TGFB3: variants seen among roughly 807,000 people sequenced by gnomAD.
TGFB3 encodes the protein transforming growth factor beta 3.
Under a neutral mutation model 40.1 loss-of-function variants are expected in TGFB3, and 5 were observed. The ratio of observed to expected loss-of-function variants is 0.12; its 90% CI spans 0.07 to 0.26. The LOEUF is 0.26. Among genes scored for constraint, TGFB3 ranks in the 10% least tolerant of loss-of-function variants. TGFB3 has a pLI of 1.00. For missense variants in TGFB3, 373 were observed against 530.1 expected (o/e 0.70, Z 2.91); for synonymous variants, 184 against 205.6 (o/e 0.89, Z 0.90).
At chr14:75,974,091 G>A (rs929891381) in intron 1 of TGFB3, among the ~76,000 whole-genome samples, 2 of 152,050 alleles carry the variant, frequency 1.3e-5, no homozygotes, top group Non-Finnish European at 2.9e-5. Context: ...AATGAGCTGA[G>A]GTGGTGCCAT....
rs1276359681 is a variant in TGFB3, at chr14:75,980,769, G to C, written c.125C>G (p.Ala42Gly). The change falls in exon 1 of 7, where the codon GCC (alanine) becomes GGC (glycine). Residue 42 changes from alanine (A) to glycine (G), a missense_variant. Transcript: ENST00000238682. The surrounding 1 kb of genome is among the most constrained non-coding windows in gnomAD (Gnocchi z 4.3). ...CTTGCTCAAGATCTGTCCCCTAATG[G>C]CTTCCACCCTCTTCTTCTTGATGTG... ...FGHIKKKRVE[A>G]IRGQILSKLR... The C allele has an allele frequency of 6.2e-7, 1 of 1,614,158 alleles. No homozygotes were observed.
At position 75,980,129 on chromosome 14, in the gene TGFB3, G is replaced by A. The variant is rs1470822135; in HGVS notation, c.352+413C>T. Among the ~76,000 whole-genome samples the A allele has an allele frequency of 6.6e-6, 1 of 152,164 alleles. No individual in the cohort carries two copies. The highest frequency in any genetic ancestry group is 1.9e-4 in the East Asian group (1 of 5,196). ...TTGTGAAAAGCAGGGAGAAGATGAG[G>A]TCTCCACACTGAGAACCGTAAGGGC... On this transcript the variant is annotated intron_variant, in intron 1 of 6. Coordinates refer to ENST00000238682, the MANE Select transcript of TGFB3 (RefSeq NM_003239.5). This position sits in a 1 kb window ranked among gnomAD's most constrained non-coding sequence, Gnocchi z 4.3.
rs1043026401 is a variant in TGFB3, at chr14:75,980,997, T to C, written c.-104A>G. 3.9e-6 allele frequency: 4 copies of C among 1,015,500 alleles called. No individual in the cohort carries two copies. In the African/African-American group the frequency reaches 6.3e-5, roughly 16 times the overall value. The allele number at this position is 1,015,500 out of a possible 1,614,324, so 62.9% of individuals were successfully genotyped here. Reference sequence around the variant, plus strand: ...AGGAAAACCAGGCGGCCTCCCCAGATCCCAAAGACTGAGGCTTGGCAAGAA... The same window carrying C: ...AGGAAAACCAGGCGGCCTCCCCAGACCCCAAAGACTGAGGCTTGGCAAGAA... On this transcript the variant is annotated 5_prime_UTR_variant, in exon 1 of 7. Transcript: ENST00000238682. This position sits in a 1 kb window ranked among gnomAD's most constrained non-coding sequence, Gnocchi z 4.3.
upstream of TGFB3, among the ~76,000 whole-genome samples, chr14:75,982,084 C>A (rs1316019866): frequency 1.3e-5 from 2 of 152,204 alleles, no homozygotes; most frequent in Non-Finnish European, 2.9e-5. This position sits in a 1 kb window ranked among gnomAD's most constrained non-coding sequence, Gnocchi z 4.0. Context: ...GCGCACGCAG[C>A]CTCTTTTGCT....
At chr14:75,963,514 C>G (rs2035185040) in intron 4 of TGFB3, 27 bp from the exon 5 acceptor site, 1 of 1,613,782 alleles carries the variant, frequency 6.2e-7, no homozygotes, top group African/African-American at 1.3e-5. Context: ...AAGTGACAAT[C>G]TCCTGTCTGA....
At chr14:75,965,437 A>C (rs1053142049) in intron 4 of TGFB3, 151 bp downstream of exon 4, 1 of 702,966 alleles carries the variant, frequency 1.4e-6, no homozygotes, top group Non-Finnish European at 2.6e-6. Flanking sequence ...TTTTGGGGCA[A>C]AGCAGAATTA....
chr14:75,979,703 C>CA lies in TGFB3; in HGVS notation c.352+838_352+839insT, dbSNP rs556897769. Reference sequence around the variant, plus strand: ...GGCAGGCTCCCAGACATATCCCCCCCCCCCACCATGCACCCACTGCCACCC... The same window carrying CA: ...GGCAGGCTCCCAGACATATCCCCCCCACCCCACCATGCACCCACTGCCACCC... On this transcript the variant is annotated intron_variant, in intron 1 of 6. Coordinates refer to ENST00000238682, the MANE Select transcript of TGFB3 (RefSeq NM_003239.5). The surrounding 1 kb of genome is among the most constrained non-coding windows in gnomAD (Gnocchi z 4.8). 6.6e-6 allele frequency among the ~76,000 whole-genome samples: 1 copy of CA among 150,572 alleles called. No individual in the cohort carries two copies. Among genetic ancestry groups the CA allele is most frequent in the Non-Finnish European group, 1.5e-5 (1 of 67,328 alleles).
chr14:75,965,358 A>C (rs1370600353), intron 4 of TGFB3, among the ~76,000 whole-genome samples: 1 of 152,206 alleles, frequency 6.6e-6, no homozygotes, highest in Non-Finnish European at 1.5e-5. Context: ...TTCACCACTT[A>C]CCAGTACGTG....
At chr14:75,959,561 G>A (rs1407214718) in intron 6 of TGFB3, among the ~76,000 whole-genome samples, 1 of 152,146 alleles carries the variant, frequency 6.6e-6, no homozygotes, top group Non-Finnish European at 1.5e-5. Flanking sequence ...TTCAGGTCAG[G>A]AGTTTGAGAC....
At position 75,958,902 on chromosome 14, in the gene TGFB3, CT is replaced by C. The variant is rs2035118683; in HGVS notation, c.*284del. The C allele has an allele frequency of 2.3e-6, 1 of 425,946 alleles. No homozygotes were observed. Among genetic ancestry groups the C allele is most frequent in the African/African-American group, 2.0e-5 (1 of 49,236 alleles). The allele number at this position is 425,946 out of a possible 1,614,324, so 26.4% of individuals were successfully genotyped here. A position where few individuals can be genotyped will look rare whatever the true frequency, so the allele number is the denominator to read the frequency against. On this transcript the variant is annotated 3_prime_UTR_variant, in exon 7 of 7. Coordinates refer to ENST00000238682, the MANE Select transcript of TGFB3 (RefSeq NM_003239.5). ...CACACAACATCTCAACTTACCATCC[CT>C]TTCCTCTATCCCCATCCCCTCTGTC...
In TGFB3 at chr14:75,965,543, T is replaced by A. The variant is rs200111860; in HGVS notation, c.754+45A>T. On this transcript the variant is annotated intron_variant, in intron 4 of 6. Coordinates refer to ENST00000238682, the MANE Select transcript of TGFB3 (RefSeq NM_003239.5). ...TCCTGCACTATCCTGTCCCATTAAC[T>A]TCCCCCCCACTCACCCATCCTACCA... 5.3e-5 allele frequency: 80 copies of A among 1,522,032 alleles called. No homozygotes were observed. In the East Asian group the frequency reaches 1.7e-3, roughly 32 times the overall value. The allele number at this position is 1,522,032 out of a possible 1,614,324, so 94.3% of individuals were successfully genotyped here.
Position 75,972,607 on chromosome 14 carries a change from A to AT in TGFB3, c.353-890dup, listed in dbSNP as rs1594788471. On this transcript the variant is annotated intron_variant, in intron 1 of 6. Coordinates refer to ENST00000238682, the MANE Select transcript of TGFB3 (RefSeq NM_003239.5). The stretch of plus-strand genomic sequence containing the variant: ...GGATTTGAGGATGGGGAGGAAAGAA[A>AT]TGTTACATGGAGTGACTGCTGGAAG... 5.3e-5 allele frequency among the ~76,000 whole-genome samples: 8 copies of AT among 152,264 alleles called. No homozygotes were observed. In the East Asian group the frequency reaches 1.5e-3, roughly 29 times the overall value.
intron 3 of TGFB3, 126 bp from the exon 4 acceptor site, chr14:75,965,821 G>T (rs1205427106): frequency 3.7e-6 from 3 of 813,158 alleles, no homozygotes; most frequent in Non-Finnish European, 6.4e-6. Context: ...GAGTTCTATT[G>T]AGGGTCACAG....
intron 3 of TGFB3, 130 bp from the exon 4 acceptor site, chr14:75,965,825 G>A (rs1595340669): frequency 1.3e-6 from 1 of 794,278 alleles, no homozygotes; most frequent in Non-Finnish European, 2.2e-6. Context: ...TCTATTGAGG[G>A]TCACAGGAGA....
At chr14:75,972,671 G>C (rs2268623) in intron 1 of TGFB3, among the ~76,000 whole-genome samples, 117,744 of 152,052 alleles carry the variant, frequency 0.77, 46,126 homozygotes, top group Non-Finnish European at 0.83. Context: ...TGAGTAAGAG[G>C]GGCCCGAAAC....
intron 3 of TGFB3, chr14:75,970,873 C>G (rs751523708): frequency 6.4e-6 from 3 of 465,228 alleles, no homozygotes; most frequent in South Asian, 2.0e-5. Flanking sequence ...TTGGACTCCA[C>G]CCACTCATTG....
In TGFB3 at chr14:75,959,019, CAAGA is replaced by C; in HGVS notation, c.*164_*167del. ...TTACCACCGTGATTCTCAGAGCCAG[CAAGA>C]AAGAAATGTTCCAAAAGGAAACCTC... On this transcript the variant is annotated 3_prime_UTR_variant, in exon 7 of 7. Coordinates refer to ENST00000238682, the MANE Select transcript of TGFB3 (RefSeq NM_003239.5). The C allele has an allele frequency of 2.5e-6, 2 of 809,912 alleles. No individual in the cohort carries two copies. The highest frequency in any genetic ancestry group is 1.5e-5 in the South Asian group (1 of 67,664). The allele number at this position is 809,912 out of a possible 1,614,324, so 50.2% of individuals were successfully genotyped here. A position where few individuals can be genotyped will look rare whatever the true frequency, so the allele number is the denominator to read the frequency against.
chr14:75,969,546 G>A (rs566969108), intron 3 of TGFB3, among the ~76,000 whole-genome samples: 1 of 152,340 alleles, frequency 6.6e-6, no homozygotes, highest in East Asian at 1.9e-4. Flanking sequence ...AAACCATGAA[G>A]TTCTCTCAAA....
chr14:75,967,949 C>T (rs1212040798), intron 3 of TGFB3, among the ~76,000 whole-genome samples: 1 of 152,128 alleles, frequency 6.6e-6, no homozygotes, highest in South Asian at 2.1e-4. Context: ...TGGTTGTTTC[C>T]CAGTGTCCCA....
Sources: allele counts gnomAD v4.1 joint callset (sites outside exome capture counted in the v4.1 genomes callset), GRCh38; gene constraint gnomAD v4.1.1; non-coding constraint Gnocchi (gnomAD v3.1); transcripts MANE v1.5; gene names NCBI Gene and HGNC (gene_info 2026-07-23, HGNC 2026-07-21).